The following PSME4 variants were observed in gnomAD, a reference collection of about 807,000 sequenced individuals.
PSME4 encodes proteasome activator subunit 4.
A neutral mutation model predicts 253.9 loss-of-function variants in PSME4; 89 were observed. The ratio of observed to expected loss-of-function variants is 0.35; its 90% CI spans 0.30 to 0.42. PSME4 has a LOEUF of 0.42. Ranked by LOEUF, PSME4 falls within the 10% of genes least tolerant of loss-of-function variation. The pLI is 1.00. For synonymous variants in PSME4, 851 were observed against 759.2 expected (o/e 1.12, Z -1.99); for missense variants, 2,014 against 2,195.2 (o/e 0.92, Z 1.65).
chr2:53,869,323 T>A (rs1380176634), intron 44 of PSME4, 53 bp downstream of exon 44: 2 of 1,464,618 alleles, frequency 1.4e-6, no homozygotes, highest in East Asian at 4.6e-5. Context: ...TAAGCCTGGT[T>A]AACCCTCATT....
rs190664285 is a variant in PSME4, at chr2:53,905,855, A to C, written c.2943+743T>G. 2.4e-3 allele frequency among the ~76,000 whole-genome samples: 359 copies of C among 152,318 alleles called. 1 individual carries two copies. Among genetic ancestry groups the C allele is most frequent in the Non-Finnish European group, 3.5e-3 (238 of 68,022 alleles). ...AAAGTAAAATAAAATGCTCAGGACC[A>C]GAAATGTTTTGGATTTGAGATTTTT... On this transcript the variant is annotated intron_variant, in intron 26 of 46. Coordinates refer to ENST00000404125, the MANE Select transcript of PSME4 (RefSeq NM_014614.3).
intron 35 of PSME4, 66 bp downstream of exon 35, chr2:53,893,608 G>C: frequency 6.3e-7 from 1 of 1,578,750 alleles, no homozygotes; most frequent in East Asian, 2.3e-5. Flanking sequence ...ATATTTATAA[G>C]TTATGAACCT....
chr2:53,936,735 G>C (rs754322465), intron 6 of PSME4, 29 bp downstream of exon 6: 17 of 1,480,520 alleles, frequency 1.1e-5, no homozygotes, highest in Admixed American at 2.3e-5. Context: ...AAACTATAGG[G>C]GGGAAGAAAG....
chr2:53,934,876 T>A (rs2104462788), intron 7 of PSME4, 149 bp from the exon 8 acceptor site: 1 of 639,810 alleles, frequency 1.6e-6, no homozygotes, highest in East Asian at 2.8e-5. Context: ...AGTAACTTGC[T>A]TTATTCTTCA....
intron 43 of PSME4, among the ~76,000 whole-genome samples, chr2:53,872,243 C>A (rs1472349508): frequency 1.3e-5 from 2 of 152,052 alleles, no homozygotes; most frequent in African/African-American, 4.8e-5. Flanking sequence ...ATATATTTAG[C>A]CTTCTCAGCT....
chr2:53,926,462 T>A (rs1295909711), intron 12 of PSME4, among the ~76,000 whole-genome samples: 1 of 152,038 alleles, frequency 6.6e-6, no homozygotes, highest in Admixed American at 6.6e-5. Context: ...TCACTTGAGG[T>A]CAAGAGTTCA....
At chr2:53,933,375 CAAAAAAAA>C (rs571833072) in intron 8 of PSME4, among the ~76,000 whole-genome samples, 7 of 60,618 alleles carry the variant, frequency 1.2e-4, no homozygotes, top group African/African-American at 2.5e-4. Context: ...GAGACCATCT[CAAAAAAAA>C]AAAAAAAAAA....
chr2:53,909,927 G>A (rs879436095), intron 21 of PSME4, 148 bp downstream of exon 21: 112 of 755,854 alleles, frequency 1.5e-4, no homozygotes, highest in Non-Finnish European at 2.3e-4. Flanking sequence ...CAGAGATCGC[G>A]TCACCACACT....
chr2:53,961,850 C>T (rs1279858172), intron 1 of PSME4, among the ~76,000 whole-genome samples: 1 of 152,194 alleles, frequency 6.6e-6, no homozygotes, highest in Non-Finnish European at 1.5e-5. Flanking sequence ...GAGACAGGGT[C>T]ATTTATAACC....
At position 53,963,237 on chromosome 2, in the gene PSME4, G is replaced by A. The variant is rs80158655; in HGVS notation, c.242+7306C>T. ...GCTAACCAGGAGCCTGAGATGGGAG[G>A]ATCGCTCGAGGCCAGGAGCTCAAGG... On this transcript the variant is annotated intron_variant, in intron 1 of 46. Coordinates refer to ENST00000404125, the MANE Select transcript of PSME4 (RefSeq NM_014614.3). Among the ~76,000 whole-genome samples the A allele has an allele frequency of 6.6e-3, 1,001 of 151,954 alleles. 10 individuals carry two copies. The highest frequency in any genetic ancestry group is 0.023 in the African/African-American group (956 of 41,410).
chr2:53,949,188 A>T lies in PSME4; in HGVS notation c.338T>A (p.Ile113Asn), dbSNP rs1573359251. ...GCGGGCAAATCCCTGCATCATGCTG[A>T]TTTCCAGTTTTGGAATTGATACCAG... is the stretch of plus-strand genomic sequence containing the variant. ...YELVSIPKLEISMMQGFARLL... is the reference protein window; with the variant it reads ...YELVSIPKLENSMMQGFARLL... The change falls in exon 2 of 47, where the codon ATC becomes AAC. Residue 113 changes from isoleucine to asparagine, a missense_variant. Ile to Asn is a moderately radical substitution (Grantham distance 149). Around this residue, in one of 4 missense-constraint regions of PSME4, gnomAD observed 615 missense variants for 594.4 expected, o/e 1.03. Transcript: ENST00000404125. 1.9e-6 allele frequency: 3 copies of T among 1,611,544 alleles called. No individual in the cohort carries two copies. In the East Asian group the frequency reaches 6.7e-5, roughly 36 times the overall value.
At chr2:53,885,528 T>C (rs1200770601) in intron 41 of PSME4, among the ~76,000 whole-genome samples, 162 bp downstream of exon 41, 1 of 152,234 alleles carries the variant, frequency 6.6e-6, no homozygotes, top group Non-Finnish European at 1.5e-5. Flanking sequence ...TTTCAACAAA[T>C]ATTAAACCAC....
chr2:53,899,806 A>G, intron 29 of PSME4, 75 bp downstream of exon 29: 1 of 1,517,450 alleles, frequency 6.6e-7, no homozygotes. Flanking sequence ...CAACAGAGCA[A>G]GACTCTGTCT....
chr2:53,898,375 A>G (rs1680238481), intron 29 of PSME4, 21 bp from the exon 30 acceptor site: 1 of 1,545,296 alleles, frequency 6.5e-7, no homozygotes, highest in Non-Finnish European at 8.9e-7. Flanking sequence ...AAGGTGAGGT[A>G]TTATTTTACT....
At chr2:53,931,810 G>T (rs747982616) in intron 10 of PSME4, 25 bp downstream of exon 10, 8 of 1,610,074 alleles carry the variant, frequency 5.0e-6, no homozygotes, top group Admixed American at 1.7e-5. Context: ...CCTAGCTGTG[G>T]CTGAGACTCC....
At chr2:53,877,521 T>C (rs1267946965) in intron 41 of PSME4, among the ~76,000 whole-genome samples, 1 of 152,206 alleles carries the variant, frequency 6.6e-6, no homozygotes, top group Non-Finnish European at 1.5e-5. Flanking sequence ...AAAAAAATTA[T>C]TCTGACATTT....
intron 3 of PSME4, among the ~76,000 whole-genome samples, chr2:53,944,891 G>A (rs1213854530): frequency 6.6e-6 from 1 of 151,906 alleles, no homozygotes; most frequent in Non-Finnish European, 1.5e-5. Flanking sequence ...TATCAAATTG[G>A]TTCTCCAGAG....
In PSME4 at chr2:53,901,566, A is replaced by G. The variant is rs1573246206; in HGVS notation, c.3076-7T>C. The G allele has an allele frequency of 6.3e-6, 10 of 1,576,930 alleles. No individual in the cohort carries two copies. Among genetic ancestry groups the G allele is most frequent in the Middle Eastern group, 3.4e-4 (2 of 5,858 alleles). ...GGAGACAGTACAAGGCACCCTGCAG[A>G]AAAAAAAATATATATATGTTTACAT... On this transcript the variant is annotated splice_region_variant and splice_polypyrimidine_tract_variant and intron_variant, in intron 27 of 46. Transcript: ENST00000404125.
At position 53,928,144 on chromosome 2, in the gene PSME4, C is replaced by T; in HGVS notation, c.1476G>A (p.Val492=). The T allele has an allele frequency of 1.9e-6, 3 of 1,613,752 alleles. No individual in the cohort carries two copies. Among genetic ancestry groups the T allele is most frequent in the Non-Finnish European group, 2.5e-6 (3 of 1,179,842 alleles). ...LPLLMRALPG[V]DPNDFSKCMI... Reference sequence around the variant, plus strand: ...TGCATTTACTAAAGTCATTTGGATCCACCCCAGGCAATGCTCTCATCAACA... The same window carrying T: ...TGCATTTACTAAAGTCATTTGGATCTACCCCAGGCAATGCTCTCATCAACA... The change falls in exon 11 of 47, where the codon GTG becomes GTA. Residue 492 remains valine, a synonymous_variant. Coordinates refer to ENST00000404125, the MANE Select transcript of PSME4 (RefSeq NM_014614.3).
Sources: allele counts gnomAD v4.1 joint callset (sites outside exome capture counted in the v4.1 genomes callset), GRCh38; gene constraint gnomAD v4.1.1; regional missense constraint gnomAD v4.1.1; transcripts MANE v1.5; gene names NCBI Gene and HGNC (gene_info 2026-07-23, HGNC 2026-07-21).